COL18A1: variants seen among roughly 807,000 people sequenced by gnomAD.
COL18A1 encodes collagen type XVIII alpha 1 chain.
A neutral mutation model predicts 168.0 loss-of-function variants in COL18A1; 133 were observed. The observed-to-expected ratio is 0.79, with a 90% CI of 0.69 to 0.91. The LOEUF is 0.91. COL18A1 is among the 40% of genes least tolerant of loss of function. The pLI is 0.00. For missense variants in COL18A1, 2,126 were observed against 1,925.4 expected (o/e 1.10, Z -1.95); for synonymous variants, 949 against 809.0 (o/e 1.17, Z -2.94).
chr21:45,506,787 C>CCTAT (rs1568945926), intron 37 of COL18A1: 3,549 of 55,628 alleles, frequency 0.064, 65 homozygotes, highest in African/African-American at 0.14. Flanking sequence ...CACCTTCCCT[C>CCTAT]TGGAGCCCTC....
At chr21:45,510,754 A>C (rs951077558) in intron 40 of COL18A1, among the ~76,000 whole-genome samples, 55 of 152,130 alleles carry the variant, frequency 3.6e-4, no homozygotes, top group Non-Finnish European at 7.5e-4. Context: ...CAGAACCAAC[A>C]GCAGAGGGGT....
Position 45,443,023 on chromosome 21 carries a change from G to A in COL18A1, c.107-25219G>A, listed in dbSNP as rs1182440294. ...GGCGGCGGTGCTGATGTGGGTGGTG[G>A]TGGTGCTGATGTGGGCGGCGGTGCT... On this transcript the variant is annotated intron_variant, in intron 2 of 41. Coordinates refer to ENST00000651438, the MANE Select transcript of COL18A1 (RefSeq NM_001379500.1). The surrounding 1 kb of genome is among the most constrained non-coding windows in gnomAD (Gnocchi z 5.2). Among the ~76,000 whole-genome samples the A allele has an allele frequency of 1.4e-5, 2 of 143,428 alleles. No individual in the cohort carries two copies. The highest frequency in any genetic ancestry group is 2.8e-5 in the African/African-American group (1 of 35,682). 94.1% of individuals were successfully genotyped at this position (143,428 alleles called of 152,430 possible). A position where few individuals can be genotyped will look rare whatever the true frequency, so the allele number is the denominator to read the frequency against.
intron 2 of COL18A1, among the ~76,000 whole-genome samples, chr21:45,445,687 T>G (rs1158648645): frequency 6.6e-6 from 1 of 152,198 alleles, no homozygotes; most frequent in Admixed American, 6.5e-5. Flanking sequence ...TCATTTGCAT[T>G]TTCATGATGA....
chr21:45,453,405 G>A (rs1417955634), intron 2 of COL18A1, among the ~76,000 whole-genome samples: 2 of 152,204 alleles, frequency 1.3e-5, no homozygotes, highest in Non-Finnish European at 2.9e-5. Context: ...ATATGTGGGT[G>A]TTCGTGTGTG....
At chr21:45,484,432 ACACACACACCTCTCCAGCATGTGTG>A (rs2036030244) in intron 15 of COL18A1, among the ~76,000 whole-genome samples, 1 of 147,732 alleles carries the variant, frequency 6.8e-6, no homozygotes, top group African/African-American at 2.5e-5. Flanking sequence ...ATATGTGAGC[ACACACACACCTCTCCAGCATGTGTG>A]CACACACATG....
At chr21:45,494,763 G>A (rs1196105944) in intron 27 of COL18A1, 99 bp from the exon 28 acceptor site, 7 of 1,286,444 alleles carry the variant, frequency 5.4e-6, no homozygotes, top group Non-Finnish European at 7.8e-6. Flanking sequence ...GGCCCAGGGT[G>A]CTGTGCTCTG....
At chr21:45,406,417 T>G (rs1001631197) in intron 2 of COL18A1, among the ~76,000 whole-genome samples, 11 of 152,226 alleles carry the variant, frequency 7.2e-5, no homozygotes, top group Admixed American at 7.2e-4. Flanking sequence ...TTGTTTCCAA[T>G]CGACTTAGTC....
In COL18A1 at chr21:45,457,953, C is replaced by G. The variant is rs1046167178; in HGVS notation, c.107-10289C>G. ...TGGTGATTCCCCTTGAGTTTCAGGC[C>G]AGTGACCGTTTCTCTCAGCAAAGCC... On this transcript the variant is annotated intron_variant, in intron 2 of 41. Coordinates refer to ENST00000651438, the MANE Select transcript of COL18A1 (RefSeq NM_001379500.1). This position sits in a 1 kb window ranked among gnomAD's most constrained non-coding sequence, Gnocchi z 4.6. Among the ~76,000 whole-genome samples the G allele has an allele frequency of 2.3e-4, 35 of 152,140 alleles. No homozygotes were observed. The highest frequency in any genetic ancestry group is 4.4e-4 in the Non-Finnish European group (30 of 68,014).
chr21:45,487,128 C>A, intron 16 of COL18A1, 136 bp downstream of exon 16: 1 of 909,644 alleles, frequency 1.1e-6, no homozygotes, highest in Non-Finnish European at 1.6e-6. Flanking sequence ...TCCTGGGATT[C>A]CATATTCCGC....
In COL18A1 at chr21:45,490,493, C is replaced by T; in HGVS notation, c.2031+147C>T. 8.9e-6 allele frequency: 6 copies of T among 671,728 alleles called. No homozygotes were observed. The South Asian group carries it at 9.3e-5, about 10-fold the overall frequency. The allele number at this position is 671,728 out of a possible 1,614,324, so 41.6% of individuals were successfully genotyped here. A position where few individuals can be genotyped will look rare whatever the true frequency, so the allele number is the denominator to read the frequency against. Reference sequence around the variant, plus strand: ...GGGTCCCTGGGCCTCCGTGTGCCCTCCCGGGTCTCTGGGCCTCCGTGTGCC... The same window carrying T: ...GGGTCCCTGGGCCTCCGTGTGCCCTTCCGGGTCTCTGGGCCTCCGTGTGCC... On this transcript the variant is annotated intron_variant, in intron 20 of 41. Transcript: ENST00000651438.
intron 29 of COL18A1, chr21:45,495,744 A>G (rs908912743): frequency 2.5e-6 from 1 of 395,096 alleles, no homozygotes; most frequent in Non-Finnish European, 4.9e-6. Flanking sequence ...ACACGTGCTC[A>G]TGTGTGTACA....
At chr21:45,469,339 G>A (rs1444476257) in intron 3 of COL18A1, among the ~76,000 whole-genome samples, 1 of 152,266 alleles carries the variant, frequency 6.6e-6, no homozygotes, top group Non-Finnish European at 1.5e-5. Context: ...GGCGGCAGCA[G>A]GGTGTTGATC....
Position 45,473,104 on chromosome 21 carries a change from C to T in COL18A1, c.652-791C>T, listed in dbSNP as rs1568897620. ...AGCCCCCACCTGGCAGCCCCTTTTC[C>T]TGTCAAAGCCCCTCCCAGCGTCCTC... On this transcript the variant is annotated intron_variant, in intron 3 of 41. Transcript: ENST00000651438. This position sits in a 1 kb window ranked among gnomAD's most constrained non-coding sequence, Gnocchi z 4.0. Among the ~76,000 whole-genome samples the T allele has an allele frequency of 6.6e-6, 1 of 152,350 alleles. No homozygotes were observed. The highest frequency in any genetic ancestry group is 2.1e-4 in the South Asian group (1 of 4,832).
At chr21:45,491,397 C>CCCCCACAT (rs1191817174) in intron 22 of COL18A1, 83 bp downstream of exon 22, 2 of 686,744 alleles carry the variant, frequency 2.9e-6, no homozygotes, top group Non-Finnish European at 5.2e-6. Flanking sequence ...CCCCCCCACA[C>CCCCCACAT]CCCCACATCC....
At chr21:45,440,707 G>A (rs1188684116) in intron 2 of COL18A1, among the ~76,000 whole-genome samples, 1 of 152,042 alleles carries the variant, frequency 6.6e-6, no homozygotes, top group Non-Finnish European at 1.5e-5. Context: ...TTTGAACCAC[G>A]TTCCCCGGAA....
intron 2 of COL18A1, among the ~76,000 whole-genome samples, chr21:45,412,239 T>A (rs1455128603): frequency 6.7e-6 from 1 of 149,494 alleles, no homozygotes; most frequent in Non-Finnish European, 1.5e-5. Flanking sequence ...GTATATTTCT[T>A]TTTTTTTTTT....
At chr21:45,466,198 C>T (rs901267445) in intron 2 of COL18A1, among the ~76,000 whole-genome samples, 4 of 152,168 alleles carry the variant, frequency 2.6e-5, no homozygotes, top group Admixed American at 6.5e-5. Context: ...GGGGCGGGGA[C>T]GTTCCACACT....
At chr21:45,426,868 TC>T (rs2033819861) in intron 2 of COL18A1, among the ~76,000 whole-genome samples, 1 of 152,100 alleles carries the variant, frequency 6.6e-6, no homozygotes, top group Non-Finnish European at 1.5e-5. Flanking sequence ...GGACTGATGC[TC>T]CCCGCGGTGG....
Position 45,482,817 on chromosome 21 carries a change from A to G in COL18A1, c.1697A>G (p.His566Arg), listed in dbSNP as rs1275172656. ...CAGGGTGAAGCAGGCGCCCCAGGACATAAGGTACAAGCAGAATCCCTGGCA... is the reference window on the plus strand; with the variant it reads ...CAGGGTGAAGCAGGCGCCCCAGGACGTAAGGTACAAGCAGAATCCCTGGCA... ...GSLGEAGAPGHKGSKGAPGPA... is the reference protein window; with the variant it reads ...GSLGEAGAPGRKGSKGAPGPA... Residue 566 changes from histidine (H) to arginine (R), a missense_variant, in exon 15 of 42, where the codon CAT becomes CGT. His to Arg is a conservative substitution (Grantham distance 29). Transcript: ENST00000651438. 4 of 1,614,170 alleles carry G rather than the reference A, an allele frequency of 2.5e-6. No homozygotes were observed. The highest frequency in any genetic ancestry group is 3.4e-6 in the Non-Finnish European group (4 of 1,180,028).
Sources: gnomAD v4.1 joint callset for allele counts (sites outside exome capture counted in the v4.1 genomes callset) on GRCh38, gnomAD v4.1.1 for gene constraint, Gnocchi (gnomAD v3.1) non-coding constraint, MANE v1.5 for transcripts, NCBI Gene and HGNC (gene_info 2026-07-23, HGNC 2026-07-21) for gene names.